LRRTM4: variants seen among roughly 807,000 people sequenced by gnomAD.
LRRTM4 encodes the protein leucine-rich repeat transmembrane neuronal protein 4.
A neutral mutation model predicts 47.6 loss-of-function variants in LRRTM4; 25 were observed. The ratio of observed to expected loss-of-function variants is 0.53; its 90% confidence interval spans 0.38 to 0.73. The LOEUF is 0.73. LRRTM4 is among the 30% of genes least tolerant of loss of function. The pLI, the probability that LRRTM4 is intolerant of heterozygous loss-of-function variation, is 0.00. For missense variants in LRRTM4, 638 were observed against 713.4 expected (o/e 0.89, Z 1.20); for synonymous variants, 311 against 269.5 (o/e 1.15, Z -1.51).
At chr2:76,790,777 C>G (rs1198349644) in intron 3 of LRRTM4, among the ~76,000 whole-genome samples, 3 of 151,558 alleles carry the variant, frequency 2.0e-5, no homozygotes, top group Non-Finnish European at 4.4e-5. Flanking sequence ...ACTCTTTGAT[C>G]AAATTTGATA....
chr2:77,474,411 C>A (rs564288432), intron 3 of LRRTM4, among the ~76,000 whole-genome samples: 12 of 151,768 alleles, frequency 7.9e-5, no homozygotes, highest in Non-Finnish European at 1.8e-4. Context: ...AGCCCAACTG[C>A]CAATTCTCAG....
chr2:77,327,198 A>C (rs1216753187), intron 3 of LRRTM4, among the ~76,000 whole-genome samples: 4 of 152,236 alleles, frequency 2.6e-5, no homozygotes, highest in African/African-American at 9.6e-5. Context: ...GTGGTACTAA[A>C]GTATAACTTT....
At chr2:77,462,215 T>G (rs1475262928) in intron 3 of LRRTM4, among the ~76,000 whole-genome samples, 1 of 152,138 alleles carries the variant, frequency 6.6e-6, no homozygotes, top group African/African-American at 2.4e-5. Flanking sequence ...AAAGCCATGA[T>G]GTGAGCTCTG....
chr2:77,431,571 C>T (rs1322757922), intron 3 of LRRTM4, among the ~76,000 whole-genome samples: 1 of 148,978 alleles, frequency 6.7e-6, no homozygotes, highest in Non-Finnish European at 1.5e-5. Context: ...ACTCCAGCAT[C>T]AACTCACTCA....
intron 3 of LRRTM4, among the ~76,000 whole-genome samples, chr2:77,399,559 G>A (rs1011426555): frequency 6.6e-6 from 1 of 151,852 alleles, no homozygotes; most frequent in Non-Finnish European, 1.5e-5. Flanking sequence ...ACAATATGGT[G>A]ATGGTGACTG....
intron 3 of LRRTM4, among the ~76,000 whole-genome samples, chr2:76,779,437 G>T (rs375039093): frequency 4.0e-5 from 6 of 149,136 alleles, no homozygotes; most frequent in Non-Finnish European, 7.4e-5. Context: ...TTATGAATCT[G>T]GGTGCTCCTG....
intron 3 of LRRTM4, among the ~76,000 whole-genome samples, chr2:77,305,267 TTA>T (rs2104175813): frequency 6.6e-6 from 1 of 152,192 alleles, no homozygotes; most frequent in East Asian, 1.9e-4. Flanking sequence ...TATATTTATG[TTA>T]TAAACACAAA....
intron 3 of LRRTM4, among the ~76,000 whole-genome samples, chr2:76,935,012 C>T (rs1349800361): frequency 1.3e-5 from 2 of 151,202 alleles, no homozygotes; most frequent in Non-Finnish European, 2.9e-5. Flanking sequence ...ATTAAATATG[C>T]TGATTATCGA....
At position 76,925,573 on chromosome 2, in the gene LRRTM4, A is replaced by C. The variant is rs193182967; in HGVS notation, c.1552-176657T>G. 3.6e-3 allele frequency among the ~76,000 whole-genome samples: 554 copies of C among 152,254 alleles called. 3 individuals carry two copies. Among genetic ancestry groups the C allele is most frequent in the African/African-American group, 0.013 (532 of 41,566 alleles). ...AATAGACGTTCTGATGCCCTTATCC[A>C]CAAACAAGCTTCAGGCCATTTTCAA... is the stretch of plus-strand genomic sequence containing the variant. On this transcript the variant is annotated intron_variant, in intron 3 of 3. Transcript: ENST00000409884.
chr2:77,225,571 A>C (rs1674782309), intron 3 of LRRTM4, among the ~76,000 whole-genome samples: 1 of 152,126 alleles, frequency 6.6e-6, no homozygotes, highest in Admixed American at 6.6e-5. Flanking sequence ...GGAACTGTAC[A>C]TGGAATAGTG....
intron 3 of LRRTM4, among the ~76,000 whole-genome samples, chr2:77,226,138 C>T (rs1674798822): frequency 6.6e-6 from 1 of 151,266 alleles, no homozygotes; most frequent in Non-Finnish European, 1.5e-5. Flanking sequence ...ATTTAGAAAA[C>T]CCTAAAAATC....
At chr2:76,844,132 A>G (rs1389195537) in intron 3 of LRRTM4, among the ~76,000 whole-genome samples, 1 of 149,930 alleles carries the variant, frequency 6.7e-6, no homozygotes, top group Non-Finnish European at 1.5e-5. Flanking sequence ...CGATCTCCTG[A>G]CCTTGTGATC....
At chr2:77,411,274 A>G (rs1351106904) in intron 3 of LRRTM4, among the ~76,000 whole-genome samples, 1 of 151,976 alleles carries the variant, frequency 6.6e-6, no homozygotes, top group African/African-American at 2.4e-5. Context: ...TTACAACAAT[A>G]AATAGTCTCA....
intron 3 of LRRTM4, among the ~76,000 whole-genome samples, chr2:77,484,130 C>T (rs937291349): frequency 7.2e-5 from 11 of 152,150 alleles, no homozygotes; most frequent in South Asian, 2.1e-4. Context: ...TAGACACACA[C>T]AATACTGGTC....
At chr2:76,960,599 GCA>G (rs989714500) in intron 3 of LRRTM4, among the ~76,000 whole-genome samples, 15 of 151,310 alleles carry the variant, frequency 9.9e-5, no homozygotes, top group African/African-American at 2.2e-4. Flanking sequence ...GCATGTGTGT[GCA>G]CACACACATA....
At chr2:77,480,844 A>T (rs1677671762) in intron 3 of LRRTM4, among the ~76,000 whole-genome samples, 3 of 143,660 alleles carry the variant, frequency 2.1e-5, no homozygotes, top group African/African-American at 5.6e-5. Context: ...AGAGAGAGAG[A>T]GAGAGAGAGA....
At chr2:77,517,257 T>C in intron 3 of LRRTM4, 1 of 984,372 alleles carries the variant, frequency 1.0e-6, no homozygotes, top group Non-Finnish European at 1.2e-6. Context: ...TCCAAATTTA[T>C]TCTTATAAAA....
At chr2:77,075,484 A>C (rs1680301871) in intron 3 of LRRTM4, among the ~76,000 whole-genome samples, 1 of 152,212 alleles carries the variant, frequency 6.6e-6, no homozygotes, top group Non-Finnish European at 1.5e-5. Flanking sequence ...CCAAGGTGGC[A>C]GCAATACTAA....
At position 77,004,302 on chromosome 2, in the gene LRRTM4, G is replaced by T. The variant is rs924401118; in HGVS notation, c.1552-255386C>A. 2.0e-5 allele frequency among the ~76,000 whole-genome samples: 3 copies of T among 152,184 alleles called. No individual in the cohort carries two copies. The East Asian group carries it at 5.8e-4, about 29-fold the overall frequency. On this transcript the variant is annotated intron_variant, in intron 3 of 3. Coordinates refer to ENST00000409884, the MANE Select transcript of LRRTM4 (RefSeq NM_001134745.3). ...TCCTGGGCTGGGTCCAGGGACCCCT[G>T]CTGTGTGCAGCCTACGTACTTGGTC...
Sources: allele counts gnomAD v4.1 joint callset (sites outside exome capture counted in the v4.1 genomes callset), GRCh38; gene constraint gnomAD v4.1.1; transcripts MANE v1.5; gene names NCBI Gene and HGNC (gene_info 2026-07-23, HGNC 2026-07-21).